ZNF544: variants seen among roughly 807,000 people sequenced by gnomAD.
ZNF544 encodes zinc finger protein 544, also known as zinc finger protein AF020591.
ZNF544 carries 10 observed loss-of-function variants against 13.5 expected under a neutral mutation model. That is an observed-to-expected ratio of 0.74 (90% confidence interval 0.46 to 1.25). The LOEUF is 1.25. Ranked by LOEUF, ZNF544 falls within the 50% of genes most tolerant of loss-of-function variation. The pLI, the probability that ZNF544 is intolerant of heterozygous loss-of-function variation, is 0.00. For synonymous variants in ZNF544, 323 were observed against 300.5 expected, an observed-to-expected ratio of 1.07 and a Z score of -0.77; for missense variants, 896 against 845.6, an observed-to-expected ratio of 1.06 and a Z score of -0.74.
chr19:58,241,179 A>ATTTTTTTTT (rs57421577), intron 3 of ZNF544, among the ~76,000 whole-genome samples: 1 of 72,776 alleles, frequency 1.4e-5, no homozygotes. Flanking sequence ...ATATATATAT[A>ATTTTTTTTT]TTTTTTTTTT....
chr19:58,246,953 G>C, intron 6 of ZNF544, 159 bp downstream of exon 6: 1 of 591,948 alleles, frequency 1.7e-6, no homozygotes, highest in South Asian at 2.3e-5. Flanking sequence ...TCACCAATTC[G>C]AAGTATGCAG....
At position 58,270,304 on chromosome 19, in the gene ZNF544, C is replaced by CTTTTTTT. The variant is rs202213273; in HGVS notation, c.245-6016_245-6010dup. Among the ~76,000 whole-genome samples the CTTTTTTT allele has an allele frequency of 3.7e-5, 5 of 136,408 alleles. 1 individual carries two copies. The highest frequency in any genetic ancestry group is 4.7e-5 in the Non-Finnish European group (3 of 63,376). The allele number at this position is 136,408 out of a possible 152,430, so 89.5% of individuals were successfully genotyped here. ...CTGTGACGTGAACCCTAGGTATTGGCTTTTTTTTTCTTTTTTTTTGAGAAG... is the reference window on the plus strand; with the variant it reads ...CTGTGACGTGAACCCTAGGTATTGGCTTTTTTTTTTTTTTTTCTTTTTTTTTGAGAAG... On this transcript the variant is annotated intron_variant, in intron 5 of 6. Transcript: ENST00000595981.
rs1217802283 is a variant in ZNF544 at position 58,260,998 on chromosome 19, A to G, written c.392A>G (p.Gln131Arg). 2 of 1,614,228 alleles carry G rather than the reference A, an allele frequency of 1.2e-6. No individual in the cohort carries two copies. Among genetic ancestry groups the G allele is most frequent in the Admixed American group, 3.3e-5 (2 of 60,022 alleles). Reference sequence around the variant, plus strand: ...GGAAAAGTGCAAGATCAGAGCAACCAGTTAAGGGAACACCAGGAGAACTCC... The same window carrying G: ...GGAAAAGTGCAAGATCAGAGCAACCGGTTAAGGGAACACCAGGAGAACTCC... Reference protein sequence around the residue: ...VLGKVQDQSNQLREHQENSLR... With the variant: ...VLGKVQDQSNRLREHQENSLR... Residue 131 changes from glutamine (Q) to arginine (R), a missense_variant, in exon 7 of 7, where the codon CAG becomes CGG. By Grantham distance (43) the Gln-to-Arg change is conservative. Transcript: ENST00000687789.
chr19:58,262,198 A>G lies in ZNF544; in HGVS notation c.1592A>G (p.Gln531Arg), dbSNP rs749716127. Residue 531 changes from glutamine (Q) to arginine (R), a missense_variant, in exon 7 of 7, where the codon CAG (glutamine) becomes CGG (arginine). By Grantham distance (43) the Gln-to-Arg change is conservative. Coordinates refer to ENST00000687789, the MANE Select transcript of ZNF544 (RefSeq NM_014480.4). ...AACCTGTGTGGGAAATCCTTCTCCC[A>G]GAGTTCCAAACTTATTACGCATCAG... ...ECNLCGKSFS[Q>R]SSKLITHQRI... is the part of the protein sequence containing the mutation. 6.2e-7 allele frequency: 1 copy of G among 1,613,942 alleles called. No individual in the cohort carries two copies. The highest frequency in any genetic ancestry group is 8.5e-7 in the Non-Finnish European group (1 of 1,179,968).
At chr19:58,268,783 G>T (rs2050247684), downstream of ZNF544, among the ~76,000 whole-genome samples, 1 of 152,246 alleles carries the variant, frequency 6.6e-6, no homozygotes, top group African/African-American at 2.4e-5. Context: ...ACGTGACCAT[G>T]AGCATGTCCA....
chr19:58,254,494 C>G (rs2046859419), intron 6 of ZNF544, among the ~76,000 whole-genome samples: 1 of 152,198 alleles, frequency 6.6e-6, no homozygotes, highest in Admixed American at 6.5e-5. Context: ...TACTATTCCT[C>G]AGAACCTCAG....
intron 6 of ZNF544, among the ~76,000 whole-genome samples, chr19:58,256,068 T>G (rs1381635400): frequency 1.3e-5 from 2 of 152,162 alleles, no homozygotes; most frequent in African/African-American, 2.4e-5. Context: ...GGCCAGAAAC[T>G]TACAGTTGCT....
chr19:58,265,662 C>A (rs1194401531), downstream of ZNF544, among the ~76,000 whole-genome samples: 1 of 152,036 alleles, frequency 6.6e-6, no homozygotes, highest in Non-Finnish European at 1.5e-5. Flanking sequence ...GTGGCGCAGT[C>A]ATGGCTCACT....
At chr19:58,229,987 G>A (rs1215444402) in intron 2 of ZNF544, 1 of 152,504 alleles carries the variant, frequency 6.6e-6, no homozygotes, top group Non-Finnish European at 1.5e-5. Flanking sequence ...GTGCAAGGAA[G>A]ATGTGGTATG....
At chr19:58,239,352 C>T (rs2043082153) in intron 3 of ZNF544, among the ~76,000 whole-genome samples, 1 of 150,534 alleles carries the variant, frequency 6.6e-6, no homozygotes, top group Non-Finnish European at 1.5e-5. Context: ...CCCTCCACTC[C>T]CACCAAACTC....
chr19:58,241,182 T>TAAATATATATATA (rs1490534373), intron 3 of ZNF544, among the ~76,000 whole-genome samples: 1 of 66,332 alleles, frequency 1.5e-5, no homozygotes, highest in African/African-American at 5.1e-5. Context: ...TATATATATT[T>TAAATATATATATA]TTTTTTTTTT....
downstream of ZNF544, among the ~76,000 whole-genome samples, chr19:58,265,405 C>G (rs909092868): frequency 9.9e-5 from 15 of 151,380 alleles, no homozygotes; most frequent in Non-Finnish European, 1.8e-4. Context: ...ACGCCACTCT[C>G]CTGCCTCAAC....
At chr19:58,258,698 G>A (rs1486520697) in intron 6 of ZNF544, 4 of 153,484 alleles carry the variant, frequency 2.6e-5, no homozygotes, top group Non-Finnish European at 5.8e-5. Flanking sequence ...TGATTGAGAG[G>A]AGGGAAACAT....
chr19:58,242,334 A>G, intron 3 of ZNF544: 5 of 950,206 alleles, frequency 5.3e-6, no homozygotes, highest in Non-Finnish European at 6.3e-6. Context: ...AAAATACAGC[A>G]CAGAGAAAGC....
chr19:58,274,257 T>C (rs2051045895), intron 5 of ZNF544, among the ~76,000 whole-genome samples: 1 of 152,212 alleles, frequency 6.6e-6, no homozygotes, highest in South Asian at 2.1e-4. Flanking sequence ...GTTGAAGTTC[T>C]AACCCATAGT....
chr19:58,257,142 C>G (rs370624120), intron 6 of ZNF544: 2 of 152,080 alleles, frequency 1.3e-5, no homozygotes, highest in Non-Finnish European at 2.9e-5. Context: ...AGTATGGTCT[C>G]GATCTCCTGA....
At chr19:58,254,860 CTTTCT>C (rs1218536896) in intron 6 of ZNF544, among the ~76,000 whole-genome samples, 21 of 139,530 alleles carry the variant, frequency 1.5e-4, no homozygotes, top group Non-Finnish European at 2.7e-4. Flanking sequence ...GAATTTCTTT[CTTTCT>C]TTTTTTTTTT....
Position 58,262,624 on chromosome 19 carries a change from C to G in ZNF544, c.2018C>G (p.Ser673Cys), listed in dbSNP as rs1241685600. 6.2e-7 allele frequency: 1 copy of G among 1,614,176 alleles called. No individual in the cohort carries two copies. Among genetic ancestry groups the G allele is most frequent in the Non-Finnish European group, 8.5e-7 (1 of 1,180,018 alleles). Reference protein sequence around the residue: ...SQCGKAFSGSSNLLSHHRIHS... With the variant: ...SQCGKAFSGSCNLLSHHRIHS... ...TGTGGGAAAGCCTTTTCAGGGAGCT[C>G]TAACCTTCTTTCCCATCACAGAATT... Residue 673 changes from serine (S) to cysteine (C), a missense_variant, in exon 7 of 7, where the codon TCT becomes TGT. Physicochemically the swap from Ser to Cys is moderately radical, Grantham distance 112 (BLOSUM62 -1). Coordinates refer to ENST00000687789, the MANE Select transcript of ZNF544 (RefSeq NM_014480.4).
intron 1 of ZNF544, 84 bp from the exon 2 acceptor site, chr19:58,229,384 C>T (rs1265363837): frequency 2.0e-5 from 3 of 152,346 alleles, no homozygotes; most frequent in Non-Finnish European, 2.9e-5. Context: ...AGGCTGGCGT[C>T]TGGAGCTCTG....
Sources: allele counts gnomAD v4.1 joint callset (sites outside exome capture counted in the v4.1 genomes callset), GRCh38; gene constraint gnomAD v4.1.1; transcripts MANE v1.5; gene names NCBI Gene and HGNC (gene_info 2026-07-23, HGNC 2026-07-21).